The following LTBP1 variants were observed in gnomAD, a reference collection of about 807,000 sequenced individuals.
LTBP1 encodes the protein latent transforming growth factor beta binding protein 1, also known as latent-transforming growth factor beta-binding protein 1.
LTBP1 carries 129 observed loss-of-function variants against 207.6 expected under a neutral mutation model. That is an observed-to-expected ratio of 0.62 (90% CI 0.54 to 0.72). The LOEUF is 0.72. Among genes scored for constraint, LTBP1 ranks in the 30% least tolerant of loss-of-function variants. LTBP1 has a pLI of 0.00. For synonymous variants in LTBP1, 963 were observed against 833.7 expected, an observed-to-expected ratio of 1.16 and a Z score of -2.67; for missense variants, 2,281 against 2,217.2, an observed-to-expected ratio of 1.03 and a Z score of -0.58.
intron 23 of LTBP1, among the ~76,000 whole-genome samples, chr2:33,310,964 C>A (rs1001921188): frequency 6.6e-6 from 1 of 151,834 alleles, no homozygotes; most frequent in South Asian, 2.1e-4. Context: ...TAGTGTATCC[C>A]AAAGCATAAA....
At chr2:33,183,614 T>C (rs1009816979) in intron 5 of LTBP1, among the ~76,000 whole-genome samples, 1 of 152,188 alleles carries the variant, frequency 6.6e-6, no homozygotes, top group Non-Finnish European at 1.5e-5. Context: ...AATTCATGCG[T>C]ATTGGAACCA....
chr2:33,343,166 C>T (rs1345212558), intron 25 of LTBP1, among the ~76,000 whole-genome samples: 1 of 151,946 alleles, frequency 6.6e-6, no homozygotes, highest in African/African-American at 2.4e-5. Context: ...CTTTGGGAGG[C>T]CAAGGTTGGA....
At chr2:33,216,942 A>G (rs891650199) in intron 7 of LTBP1, among the ~76,000 whole-genome samples, 3 of 152,154 alleles carry the variant, frequency 2.0e-5, no homozygotes, top group African/African-American at 7.2e-5. Flanking sequence ...TCTCGCTTAA[A>G]CATGCTGGCA....
chr2:32,994,379 G>A (rs979582053), intron 2 of LTBP1, among the ~76,000 whole-genome samples: 3 of 152,060 alleles, frequency 2.0e-5, no homozygotes, highest in Non-Finnish European at 4.4e-5. Flanking sequence ...TAAGTAACCT[G>A]CCCAAGGTGA....
At chr2:33,252,064 C>T (rs2092701362) in intron 10 of LTBP1, among the ~76,000 whole-genome samples, 1 of 152,176 alleles carries the variant, frequency 6.6e-6, no homozygotes, top group Admixed American at 6.5e-5. Flanking sequence ...AAGAGCTGAG[C>T]ACATCATCTC....
chr2:33,250,078 G>T (rs2092638490), intron 10 of LTBP1, among the ~76,000 whole-genome samples: 1 of 152,116 alleles, frequency 6.6e-6, no homozygotes, highest in Non-Finnish European at 1.5e-5. Flanking sequence ...CATCATTCTG[G>T]GTAGCATATT....
chr2:33,357,823 ATATCTT>A (rs2094882275), intron 26 of LTBP1, among the ~76,000 whole-genome samples: 4 of 152,192 alleles, frequency 2.6e-5, no homozygotes, highest in African/African-American at 7.2e-5. Flanking sequence ...CTTACTCAAA[ATATCTT>A]TAAGAAAAAG....
At chr2:32,979,911 A>G (rs572613632) in intron 2 of LTBP1, among the ~76,000 whole-genome samples, 142 of 152,036 alleles carry the variant, frequency 9.3e-4, no homozygotes, top group Non-Finnish European at 1.8e-3. Context: ...CTTGCTTTAT[A>G]TCCCTATATA....
At chr2:33,376,445 T>A (rs1282686950) in intron 31 of LTBP1, among the ~76,000 whole-genome samples, 1 of 152,210 alleles carries the variant, frequency 6.6e-6, no homozygotes, top group African/African-American at 2.4e-5. Context: ...CTGAGGTTAG[T>A]GGCTGAAAAA....
chr2:33,055,805 C>T (rs771128849), intron 3 of LTBP1, among the ~76,000 whole-genome samples: 14 of 152,114 alleles, frequency 9.2e-5, no homozygotes, highest in Admixed American at 2.0e-4. Context: ...GGGCCAAATT[C>T]CCCTCCCCCT....
chr2:33,097,399 G>C (rs2079456489), intron 3 of LTBP1, among the ~76,000 whole-genome samples: 1 of 152,092 alleles, frequency 6.6e-6, no homozygotes. Flanking sequence ...TGTACTGTTT[G>C]GGTATGGTGC....
chr2:33,228,697 C>CTTTTTTTTTTTTTTTTTTTTTTTTTTT lies in LTBP1; in HGVS notation c.1876+6567_1876+6568insTTTTTTTTTTTTTTTTTTTTTTTTTTT, dbSNP rs1244221993. On this transcript the variant is annotated intron_variant, in intron 9 of 33. Coordinates refer to ENST00000404816, the MANE Select transcript of LTBP1 (RefSeq NM_206943.4). Reference sequence around the variant, plus strand: ...TAATAAGCCCAACCAGGGTTATACCCTTTTTTTTTTTTTTTTTTTTTGAGA... The same window carrying CTTTTTTTTTTTTTTTTTTTTTTTTTTT: ...TAATAAGCCCAACCAGGGTTATACCCTTTTTTTTTTTTTTTTTTTTTTTTTTTTTTTTTTTTTTTTTTTTTTTTGAGA... Among the ~76,000 whole-genome samples the CTTTTTTTTTTTTTTTTTTTTTTTTTTT allele has an allele frequency of 1.4e-3, 141 of 99,038 alleles. 40 individuals are homozygous for CTTTTTTTTTTTTTTTTTTTTTTTTTTT. The highest frequency in any genetic ancestry group is 1.8e-3 in the Non-Finnish European group (92 of 51,694). 65.0% of individuals were successfully genotyped at this position (99,038 alleles called of 152,430 possible).
intron 5 of LTBP1, among the ~76,000 whole-genome samples, chr2:33,170,851 A>C (rs1160318695): frequency 6.6e-6 from 1 of 152,002 alleles, no homozygotes; most frequent in African/African-American, 2.4e-5. Flanking sequence ...TTCGCGGTTC[A>C]CGAAAATCTG....
intron 4 of LTBP1, among the ~76,000 whole-genome samples, chr2:33,114,674 C>A (rs2080629057): frequency 6.6e-6 from 1 of 152,104 alleles, no homozygotes; most frequent in Admixed American, 6.6e-5. Context: ...AGTCTAGTTT[C>A]TTTTAATTTT....
At chr2:33,328,097 T>A (rs919306404) in intron 24 of LTBP1, among the ~76,000 whole-genome samples, 1 of 142,358 alleles carries the variant, frequency 7.0e-6, no homozygotes, top group Non-Finnish European at 1.5e-5. Context: ...ATCACGCCAC[T>A]GCACTCTAGC....
At chr2:33,258,883 T>C (rs1480750604) in intron 12 of LTBP1, among the ~76,000 whole-genome samples, 7 of 152,204 alleles carry the variant, frequency 4.6e-5, no homozygotes, top group Non-Finnish European at 1.0e-4. Context: ...TCCAGGGCTT[T>C]AGAACTAATA....
chr2:33,346,849 G>T (rs1482251310), intron 25 of LTBP1, among the ~76,000 whole-genome samples: 3 of 152,130 alleles, frequency 2.0e-5, no homozygotes, highest in African/African-American at 7.2e-5. Context: ...GGGCGCAGTG[G>T]CTCGCGCCTG....
chr2:33,123,102 C>A (rs1183316046), intron 4 of LTBP1, among the ~76,000 whole-genome samples: 2 of 152,218 alleles, frequency 1.3e-5, no homozygotes, highest in South Asian at 2.1e-4. Context: ...TGTCCACATT[C>A]CCTCTTTCCA....
chr2:32,984,791 C>T (rs934984591), intron 2 of LTBP1, among the ~76,000 whole-genome samples: 66 of 150,142 alleles, frequency 4.4e-4, no homozygotes, highest in African/African-American at 1.5e-3. Context: ...GTTAGCTGGG[C>T]GTGGTGGCGC....
Sources: gnomAD v4.1 joint callset for allele counts (sites outside exome capture counted in the v4.1 genomes callset) on GRCh38, gnomAD v4.1.1 for gene constraint, MANE v1.5 for transcripts, NCBI Gene and HGNC (gene_info 2026-07-23, HGNC 2026-07-21) for gene names.